Variants in PCDH15 observed in about 807,000 individuals in gnomAD.
PCDH15 encodes protocadherin related 15.
In PCDH15, 129 loss-of-function variants were observed where a neutral mutation model predicts 178.5. That is an observed-to-expected ratio of 0.72 (90% CI 0.63 to 0.84). The LOEUF (loss-of-function observed/expected upper bound fraction) is 0.84, where lower values mean the gene tolerates loss of function less well. Ranked by LOEUF, PCDH15 falls within the 40% of genes least tolerant of loss-of-function variation. The probability of loss-of-function intolerance (pLI) is 0.00; values close to 1 mark genes in which losing one functional copy is unlikely to be tolerated. For synonymous variants in PCDH15, 800 were observed against 732.0 expected (o/e 1.09, Z -1.50); for missense variants, 2,230 against 2,099.9 (o/e 1.06, Z -1.21).
chr10:54,805,961 T>C (rs948296149), upstream of PCDH15, among the ~76,000 whole-genome samples: 2 of 152,192 alleles, frequency 1.3e-5, no homozygotes, highest in South Asian at 2.1e-4. Context: ...ACTATTTTTA[T>C]GCTTGAGTGA....
At chr10:55,132,601 A>T (rs1192063503) in intron 2 of PCDH15, among the ~76,000 whole-genome samples, 1 of 152,212 alleles carries the variant, frequency 6.6e-6, no homozygotes, top group African/African-American at 2.4e-5. Context: ...AAAGATAATT[A>T]AATGTTCGTT....
chr10:53,856,806 C>T (rs543835768), intron 28 of PCDH15, among the ~76,000 whole-genome samples: 1 of 152,134 alleles, frequency 6.6e-6, no homozygotes, highest in Admixed American at 6.6e-5. Context: ...TATGTTTAAT[C>T]TGAACATTGT....
At chr10:54,271,020 A>G (rs2058015897) in intron 8 of PCDH15, among the ~76,000 whole-genome samples, 1 of 152,188 alleles carries the variant, frequency 6.6e-6, no homozygotes, top group Non-Finnish European at 1.5e-5. Flanking sequence ...TGAGTTCATA[A>G]TGTTTATCAG....
rs778173197 is a variant in PCDH15 at position 54,830,364 on chromosome 10, C to A, written c.-29+67086G>T. Among the ~76,000 whole-genome samples, 14 of 151,854 alleles carry A rather than the reference C, an allele frequency of 9.2e-5. No homozygotes were observed. In the East Asian group the frequency reaches 2.7e-3, roughly 29 times the overall value. On this transcript the variant is annotated intron_variant, in intron 3 of 5. Coordinates refer to the PCDH15 transcript ENST00000458638. ...GTCCAACAATGATAGACTGGATTAA[C>A]AAAATGTGGCACATATACACCATGG...
chr10:54,217,087 A>T (rs2134142635), intron 9 of PCDH15, among the ~76,000 whole-genome samples: 1 of 152,314 alleles, frequency 6.6e-6, no homozygotes, highest in African/African-American at 2.4e-5. Flanking sequence ...AACATAAAAA[A>T]TTGTTACTTA....
intron 11 of PCDH15, among the ~76,000 whole-genome samples, chr10:54,193,610 G>T (rs2049260460): frequency 6.6e-6 from 1 of 152,018 alleles, no homozygotes; most frequent in African/African-American, 2.4e-5. Context: ...ATTCAGTAGA[G>T]ACTTTTTTCC....
At chr10:54,921,543 C>G (rs1226389101) in intron 2 of PCDH15, among the ~76,000 whole-genome samples, 1 of 151,990 alleles carries the variant, frequency 6.6e-6, no homozygotes, top group African/African-American at 2.4e-5. Flanking sequence ...TCCATGTGTT[C>G]TCAACATTTA....
chr10:54,874,750 T>C (rs1188436571), intron 3 of PCDH15, among the ~76,000 whole-genome samples: 1 of 152,186 alleles, frequency 6.6e-6, no homozygotes, highest in East Asian at 1.9e-4. Context: ...ATAGAAATCA[T>C]GATCATCTTA....
rs74701646 is a variant in PCDH15, at chr10:55,442,787, C to T, written c.-156+184838G>A. 4.7e-3 allele frequency among the ~76,000 whole-genome samples: 714 copies of T among 151,708 alleles called. 7 individuals are homozygous for T. Among genetic ancestry groups the T allele is most frequent in the African/African-American group, 0.016 (680 of 41,386 alleles). ...TTCTTTCTACTTTTACCTATGTTACCCATTTTTTTCCAGATTAAAAAAGAG... is the reference window on the plus strand; with the variant it reads ...TTCTTTCTACTTTTACCTATGTTACTCATTTTTTTCCAGATTAAAAAAGAG... On this transcript the variant is annotated intron_variant, in intron 2 of 5. Transcript: ENST00000613346.
intron 26 of PCDH15, among the ~76,000 whole-genome samples, chr10:53,871,865 T>G (rs1388379378): frequency 2.0e-5 from 3 of 152,110 alleles, no homozygotes; most frequent in Non-Finnish European, 4.4e-5. Flanking sequence ...GCAATTCTCC[T>G]GCCTTAGCCT....
chr10:55,283,373 C>T (rs1019648877), intron 1 of PCDH15, among the ~76,000 whole-genome samples: 1 of 152,010 alleles, frequency 6.6e-6, no homozygotes, highest in Non-Finnish European at 1.5e-5. Flanking sequence ...CTTAAAAACT[C>T]TGATCCCTGA....
chr10:55,417,401 G>T (rs888201651), intron 2 of PCDH15, among the ~76,000 whole-genome samples: 1 of 151,564 alleles, frequency 6.6e-6, no homozygotes, highest in African/African-American at 2.4e-5. Context: ...GGACTCAAAA[G>T]CATCTAAATT....
chr10:54,842,156 G>A (rs1239057390), intron 3 of PCDH15, among the ~76,000 whole-genome samples: 1 of 146,620 alleles, frequency 6.8e-6, no homozygotes, highest in Non-Finnish European at 1.5e-5. Context: ...CTACTGAAAA[G>A]AGAAAGGAAA....
intron 2 of PCDH15, among the ~76,000 whole-genome samples, chr10:55,008,965 A>G (rs1839991971): frequency 6.6e-6 from 1 of 152,106 alleles, no homozygotes; most frequent in Admixed American, 6.6e-5. Context: ...ATGAATTGTC[A>G]ACCTTAGATC....
intron 1 of PCDH15, among the ~76,000 whole-genome samples, chr10:55,273,406 T>G (rs991214797): frequency 1.3e-5 from 2 of 152,088 alleles, no homozygotes; most frequent in African/African-American, 4.8e-5. Flanking sequence ...TGCCTTTGAT[T>G]TGTCAAGTGT....
chr10:53,840,339 C>A lies in PCDH15; in HGVS notation c.3964G>T (p.Asp1322Tyr), dbSNP rs1411262816. 7 of 1,614,160 alleles carry A rather than the reference C, an allele frequency of 4.3e-6. No individual in the cohort carries two copies. The highest frequency in any genetic ancestry group is 5.9e-6 in the Non-Finnish European group (7 of 1,180,012). Residue 1322 changes from aspartate (D) to tyrosine (Y), a missense_variant, in exon 29 of 38, where the codon GAT becomes TAT. By Grantham distance (160) the Asp-to-Tyr change is radical. Coordinates refer to ENST00000644397, the MANE Select transcript of PCDH15 (RefSeq NM_001384140.1). Reference sequence around the variant, plus strand: ...ACTTACTTAAAAAGCTCATTTCTATCGATGGCTCTGTTGGTTTGGGGGTCA... The same window carrying A: ...ACTTACTTAAAAAGCTCATTTCTATAGATGGCTCTGTTGGTTTGGGGGTCA... The part of the protein sequence containing the change: ...AIDPQTNRAI[D>Y]RNELFKFLDG...
intron 2 of PCDH15, among the ~76,000 whole-genome samples, chr10:54,579,568 A>C (rs1044025780): frequency 2.6e-5 from 4 of 152,080 alleles, no homozygotes; most frequent in Non-Finnish European, 5.9e-5. Context: ...ACAGCATTAG[A>C]GAGATCATCA....
chr10:55,532,255 G>A (rs1177083539), intron 2 of PCDH15, among the ~76,000 whole-genome samples: 3 of 151,962 alleles, frequency 2.0e-5, no homozygotes, highest in Non-Finnish European at 1.5e-5. Context: ...AGGGGTTAAG[G>A]CAGCTGCTCA....
intron 2 of PCDH15, among the ~76,000 whole-genome samples, chr10:55,602,366 C>G (rs1367496652): frequency 2.0e-5 from 3 of 152,114 alleles, no homozygotes; most frequent in South Asian, 2.1e-4. Flanking sequence ...CTGGGAAGCT[C>G]GAACTGGGTG....
Sources: gnomAD v4.1 joint callset for allele counts (sites outside exome capture counted in the v4.1 genomes callset) on GRCh38, gnomAD v4.1.1 for gene constraint, MANE v1.5 for transcripts, NCBI Gene and HGNC (gene_info 2026-07-23, HGNC 2026-07-21) for gene names.